HEATR4: variants seen among roughly 807,000 people sequenced by gnomAD.
HEATR4 encodes HEAT repeat containing 4.
In HEATR4, 95 loss-of-function variants were observed where a neutral mutation model predicts 108.8. The observed-to-expected ratio is 0.87, with a 90% CI of 0.74 to 1.04. The LOEUF is 1.04. Among genes scored for constraint, HEATR4 ranks in the 50% least tolerant of loss-of-function variants. The pLI is 0.00. For missense variants in HEATR4, 1,152 were observed against 1,253.8 expected (o/e 0.92, Z 1.23); for synonymous variants, 443 against 459.4 (o/e 0.96, Z 0.46).
At chr14:73,579,091 G>GA in the HEATR4 span, among the ~76,000 whole-genome samples, 8,900 of 94,040 alleles carry the variant, frequency 0.095, 338 homozygotes, top group Middle Eastern at 0.12. Flanking sequence ...TCAAAAAAAA[G>GA]AAAAAAAAAA....
rs1379763433 is a variant in HEATR4 at position 73,509,307 on chromosome 14, C to T, written c.1720+5G>A. 9 of 1,613,188 alleles carry T rather than the reference C, an allele frequency of 5.6e-6. No homozygotes were observed. The Admixed American group carries it at 1.3e-4, about 24-fold the overall frequency. On this transcript the variant is annotated splice_donor_5th_base_variant and intron_variant, in intron 8 of 17. Coordinates refer to ENST00000553558, the MANE Select transcript of HEATR4 (RefSeq NM_001220484.1). ...CCAGGTCAGAAGTAACAGGGAGTTA[C>T]TCACCCTTCAGAAGGGCAGTCTGCA...
At position 73,551,655 on chromosome 14, in the gene HEATR4, C is replaced by A. The variant is rs536353458; in HGVS notation, c.-152+7096G>T. On this transcript the variant is annotated intron_variant, in intron 1 of 17. Transcript: ENST00000553558. ...AAACACCGTCTCTACTAAAAATACA[C>A]AAATTAGCCGGGTGTGGTGGTGCGC... 3.6e-3 allele frequency among the ~76,000 whole-genome samples: 400 copies of A among 111,320 alleles called. 78 individuals carry two copies. Among genetic ancestry groups the A allele is most frequent in the East Asian group, 0.027 (36 of 1,358 alleles). The allele number at this position is 111,320 out of a possible 152,430, so 73.0% of individuals were successfully genotyped here.
At chr14:73,511,553 AAATAAAT>A (rs772662469) in intron 7 of HEATR4, among the ~76,000 whole-genome samples, 16,034 of 128,154 alleles carry the variant, frequency 0.13, 1,027 homozygotes, top group Non-Finnish European at 0.15. Flanking sequence ...ATAAATAAAT[AAATAAAT>A]AAATAAAATA....
At chr14:73,568,191 A>C in the HEATR4 span, 1 of 152,210 alleles carries the variant, frequency 6.6e-6, no homozygotes, top group East Asian at 1.9e-4. Flanking sequence ...ATTTGGAACG[A>C]GATAAAAAGG....
chr14:73,537,215 C>T lies in HEATR4; in HGVS notation c.-151-6971G>A. 2 of 448,842 alleles carry T rather than the reference C, an allele frequency of 4.5e-6. 1 individual carries two copies. 27.8% of individuals were successfully genotyped at this position (448,842 alleles called of 1,614,324 possible). A position where few individuals can be genotyped will look rare whatever the true frequency, so the allele number is the denominator to read the frequency against. ...TTCCAACATAAAGTGGAGGTTTCAA[C>T]ACAGGAGACTTTAAGCAAGTTCCAG... On this transcript the variant is annotated intron_variant, in intron 1 of 17. Transcript: ENST00000553558.
the HEATR4 span, among the ~76,000 whole-genome samples, chr14:73,583,442 C>T: frequency 6.6e-6 from 1 of 151,870 alleles, no homozygotes; most frequent in African/African-American, 2.4e-5. Flanking sequence ...TAGCCCTTTA[C>T]CCTCCATGAT....
Position 73,551,237 on chromosome 14 carries a change from C to A in HEATR4, c.-152+7514G>T, listed in dbSNP as rs1889318033. On this transcript the variant is annotated intron_variant, in intron 1 of 17. Transcript: ENST00000553558. ...CTTTACCCCAACTAGTCAATGAGCCCAATTTTCTAGCCCTTTACCCTCCAT... is the reference window on the plus strand; with the variant it reads ...CTTTACCCCAACTAGTCAATGAGCCAAATTTTCTAGCCCTTTACCCTCCAT... Among the ~76,000 whole-genome samples, 2 of 114,546 alleles carry A rather than the reference C, an allele frequency of 1.7e-5. 1 individual carries two copies. Among genetic ancestry groups the A allele is most frequent in the Non-Finnish European group, 3.8e-5 (2 of 52,616 alleles). The allele number at this position is 114,546 out of a possible 152,430, so 75.1% of individuals were successfully genotyped here. A position where few individuals can be genotyped will look rare whatever the true frequency, so the allele number is the denominator to read the frequency against.
At position 73,511,882 on chromosome 14, in the gene HEATR4, C is replaced by T. The variant is rs79477501; in HGVS notation, c.1558+124G>A. 577 of 1,150,912 alleles carry T rather than the reference C, an allele frequency of 5.0e-4. 5 individuals are homozygous for T. In the East Asian group the frequency reaches 0.011, roughly 22 times the overall value. 71.3% of individuals were successfully genotyped at this position (1,150,912 alleles called of 1,614,324 possible). A position where few individuals can be genotyped will look rare whatever the true frequency, so the allele number is the denominator to read the frequency against. ...GATAAGCATGTATATATAGGCCAGT[C>T]TCTAAGTCTTGGTTTCCACATTTGT... On this transcript the variant is annotated intron_variant, in intron 7 of 17. Coordinates refer to ENST00000553558, the MANE Select transcript of HEATR4 (RefSeq NM_001220484.1).
chr14:73,583,655 ATTGAATGCAGGTGC>A, the HEATR4 span, among the ~76,000 whole-genome samples: 4 of 152,034 alleles, frequency 2.6e-5, no homozygotes, highest in South Asian at 4.1e-4. Flanking sequence ...TAAAGTGTTA[ATTGAATGCAGGTGC>A]CAGGGAGAAG....
intron 17 of HEATR4, among the ~76,000 whole-genome samples, chr14:73,482,731 A>T (rs754756083): frequency 1.3e-5 from 2 of 152,160 alleles, no homozygotes; most frequent in Non-Finnish European, 2.9e-5. Flanking sequence ...ATCTCGGCTC[A>T]CCATAACCTC....
chr14:73,569,115 C>T, the HEATR4 span: 1 of 1,177,622 alleles, frequency 8.5e-7, no homozygotes, highest in Non-Finnish European at 1.2e-6. Context: ...ACACAGGAGA[C>T]TTTAAGCAAG....
At chr14:73,607,128 G>GGTGAA in the HEATR4 span, among the ~76,000 whole-genome samples, 165 of 152,216 alleles carry the variant, frequency 1.1e-3, 2 homozygotes, top group African/African-American at 3.5e-3. Flanking sequence ...TGGCCAACAT[G>GGTGAA]GTGAAACCCT....
intron 1 of HEATR4, among the ~76,000 whole-genome samples, chr14:73,534,704 G>A (rs1595150978): frequency 1.8e-5 from 2 of 112,732 alleles, no homozygotes; most frequent in South Asian, 5.7e-4. Context: ...AAACAAACAA[G>A]CAAATAAACA....
Position 73,486,703 on chromosome 14 carries a change from A to T in HEATR4, c.2844+6363T>A, listed in dbSNP as rs531944786. On this transcript the variant is annotated intron_variant, in intron 17 of 17. Coordinates refer to ENST00000553558, the MANE Select transcript of HEATR4 (RefSeq NM_001220484.1). ...ACAGAGTGAGACTCTGTCTTGAAAA[A>T]AAAAAAGAAAGGAACTTATAATTTA... Among the ~76,000 whole-genome samples the T allele has an allele frequency of 4.8e-3, 733 of 152,162 alleles. 4 individuals carry two copies. Among genetic ancestry groups the T allele is most frequent in the Non-Finnish European group, 8.6e-3 (586 of 67,984 alleles).
At chr14:73,524,293 C>CAA (rs1160344592) in intron 2 of HEATR4, among the ~76,000 whole-genome samples, 29 of 56,646 alleles carry the variant, frequency 5.1e-4, no homozygotes, top group African/African-American at 1.0e-3. Context: ...AACTCCGTCT[C>CAA]AAAAAAAAAA....
rs1566832295 is a variant in HEATR4, at chr14:73,509,856, ATATATATATATATT to A, written c.1559-397_1559-384del. Among the ~76,000 whole-genome samples the A allele has an allele frequency of 2.5e-3, 151 of 61,310 alleles. 7 individuals carry two copies. Among genetic ancestry groups the A allele is most frequent in the African/African-American group, 9.6e-3 (139 of 14,508 alleles). The allele number at this position is 61,310 out of a possible 152,430, so 40.2% of individuals were successfully genotyped here. On this transcript the variant is annotated intron_variant, in intron 7 of 17. Transcript: ENST00000553558. ...TATATATATATATATATATATATATATATATATATATATTTATTTATTTTATATATTTTTTGAGA... is the reference window on the plus strand; with the variant it reads ...TATATATATATATATATATATATATATATTTATTTTATATATTTTTTGAGA...
chr14:73,509,816 A>G (rs1887098267), intron 7 of HEATR4, among the ~76,000 whole-genome samples: 1 of 3,660 alleles, frequency 2.7e-4, no homozygotes, highest in Non-Finnish European at 4.7e-4. Flanking sequence ...GAGCCCATAT[A>G]TATATATATA....
rs540566617 is a variant in HEATR4 at position 73,505,818 on chromosome 14, C to CG, written c.1986+648dup. Among the ~76,000 whole-genome samples, 761 of 149,110 alleles carry CG rather than the reference C, an allele frequency of 5.1e-3. 9 individuals are homozygous for CG. The highest frequency in any genetic ancestry group is 0.018 in the African/African-American group (724 of 40,538). The stretch of plus-strand genomic sequence containing the variant: ...ATCTTTGATGAAGAACCAATTTTGG[C>CG]GGGGGGGAAATATGTCATTGACTGA... On this transcript the variant is annotated intron_variant, in intron 10 of 17. Transcript: ENST00000553558.
intron 2 of HEATR4, among the ~76,000 whole-genome samples, chr14:73,528,070 G>T (rs1453248747): frequency 6.7e-6 from 1 of 149,190 alleles, no homozygotes; most frequent in African/African-American, 2.5e-5. Context: ...ATCCCAGAAA[G>T]AATACCATAT....
Sources: gnomAD v4.1 joint callset for allele counts (sites outside exome capture counted in the v4.1 genomes callset) on GRCh38, gnomAD v4.1.1 for gene constraint, MANE v1.5 for transcripts, NCBI Gene and HGNC (gene_info 2026-07-23, HGNC 2026-07-21) for gene names.